Variants in ZFYVE9 observed in about 807,000 individuals in gnomAD.
ZFYVE9 encodes the protein zinc finger FYVE-type containing 9.
Under a neutral mutation model 126.7 loss-of-function variants are expected in ZFYVE9, and 43 were observed. That is an observed-to-expected ratio of 0.34 (90% CI 0.27 to 0.44). The LOEUF (loss-of-function observed/expected upper bound fraction) is 0.44, where lower values mean the gene tolerates loss of function less well. ZFYVE9 is among the 20% of genes least tolerant of loss of function. The probability of loss-of-function intolerance (pLI) is 1.00; values close to 1 mark genes in which losing one functional copy is unlikely to be tolerated. For missense variants in ZFYVE9, 1,476 were observed against 1,697.0 expected (o/e 0.87, Z 2.29); for synonymous variants, 521 against 597.4 (o/e 0.87, Z 1.87).
At position 52,266,766 on chromosome 1, in the gene ZFYVE9, C is replaced by A; in HGVS notation, c.2390C>A (p.Ala797Asp). The change falls in exon 6 of 19, where the codon GCT becomes GAT. Residue 797 changes from alanine to aspartate, a missense_variant. By Grantham distance (126) the Ala-to-Asp change is moderately radical. Coordinates refer to ENST00000287727, the MANE Select transcript of ZFYVE9 (RefSeq NM_004799.4). Reference protein sequence around the residue: ...PPLQQAQASGALSSPPPTVMV... With the variant: ...PPLQQAQASGDLSSPPPTVMV... The stretch of plus-strand genomic sequence containing the variant: ...TTGCAGCAAGCTCAGGCCTCAGGAG[C>A]TCTGAGCTCTCCACCTCCCACTGTG... 7 of 1,612,212 alleles carry A rather than the reference C, an allele frequency of 4.3e-6. No individual in the cohort carries two copies. Among genetic ancestry groups the A allele is most frequent in the Non-Finnish European group, 5.9e-6 (7 of 1,179,142 alleles).
At chr1:52,249,678 A>C (rs749647119) in intron 4 of ZFYVE9, among the ~76,000 whole-genome samples, 11 of 152,158 alleles carry the variant, frequency 7.2e-5, no homozygotes, top group African/African-American at 2.7e-4. Flanking sequence ...TTGGTGTCAT[A>C]TCAAAGAAAT....
At chr1:52,244,110 TTGAG>T (rs1645361082) in intron 4 of ZFYVE9, among the ~76,000 whole-genome samples, 1 of 151,950 alleles carries the variant, frequency 6.6e-6, no homozygotes, top group Admixed American at 6.6e-5. Flanking sequence ...AAAAAGCTGA[TTGAG>T]TGGAGCAATG....
intron 13 of ZFYVE9, among the ~76,000 whole-genome samples, chr1:52,325,527 A>G (rs566566253): frequency 1.7e-4 from 26 of 152,254 alleles, no homozygotes; most frequent in Admixed American, 5.9e-4. Flanking sequence ...CAAGAAATAA[A>G]AACAAAAACA....
intron 1 of ZFYVE9, chr1:52,190,043 T>A (rs1158612956): frequency 1.3e-5 from 2 of 157,850 alleles, no homozygotes; most frequent in Admixed American, 6.4e-5. Context: ...AGTGAGTATA[T>A]ATAGACCTCA....
In ZFYVE9 at chr1:52,237,661, A is replaced by G. The variant is rs374257191; in HGVS notation, c.244A>G (p.Thr82Ala). 10 of 1,614,106 alleles carry G rather than the reference A, an allele frequency of 6.2e-6. No individual in the cohort carries two copies. The highest frequency in any genetic ancestry group is 7.6e-6 in the Non-Finnish European group (9 of 1,179,970). ...CCTGGCTCATTCAGCTCCCCTGACC[A>G]CAGAGGAAGAGGATCACTGTGCTAA... ...FSLAHSAPLT[T>A]EEEDHCANGQ... Residue 82 changes from threonine to alanine, a missense_variant, in exon 4 of 19, where the codon ACA (threonine) becomes GCA (alanine). Thr to Ala is a moderately conservative substitution (Grantham distance 58, BLOSUM62 0). This residue lies in a region of ZFYVE9 where 807 missense variants were observed against 794.6 expected (regional missense o/e 1.02). Transcript: ENST00000287727.
chr1:52,312,164 C>G (rs1375861465), intron 13 of ZFYVE9, among the ~76,000 whole-genome samples: 1 of 152,198 alleles, frequency 6.6e-6, no homozygotes, highest in African/African-American at 2.4e-5. Context: ...ATCTAACTTC[C>G]CAATATAGCT....
chr1:52,243,540 G>A lies in ZFYVE9; in HGVS notation c.2178+3945G>A, dbSNP rs1014126077. On this transcript the variant is annotated intron_variant, in intron 4 of 18. Transcript: ENST00000287727. Reference sequence around the variant, plus strand: ...AGGAACTCCTGCAGGAAGTAGAACAGCATGGACAAAGTCATTGAGGTTAAG... The same window carrying A: ...AGGAACTCCTGCAGGAAGTAGAACAACATGGACAAAGTCATTGAGGTTAAG... 7.9e-5 allele frequency among the ~76,000 whole-genome samples: 12 copies of A among 152,284 alleles called. No individual in the cohort carries two copies. In the South Asian group the frequency reaches 1.0e-3, roughly 13 times the overall value.
rs141657670 is a variant in ZFYVE9 at position 52,225,844 on chromosome 1, C to T, written c.-36-7327C>T. ...AAGCAACTGTGTTGTCTGAGGTATA[C>T]ACCCAAGGTTCATCGTCTTGTGCCA... is the stretch of plus-strand genomic sequence containing the variant. On this transcript the variant is annotated intron_variant, in intron 2 of 18. Coordinates refer to ENST00000287727, the MANE Select transcript of ZFYVE9 (RefSeq NM_004799.4). Among the ~76,000 whole-genome samples, 491 of 152,262 alleles carry T rather than the reference C, an allele frequency of 3.2e-3. 4 individuals carry two copies. The highest frequency in any genetic ancestry group is 8.1e-3 in the Admixed American group (124 of 15,298).
chr1:52,305,904 G>A (rs1042062165), intron 13 of ZFYVE9, among the ~76,000 whole-genome samples: 4 of 152,152 alleles, frequency 2.6e-5, no homozygotes, highest in African/African-American at 9.7e-5. Flanking sequence ...TGCCGCCTTG[G>A]CCCCCTCTGG....
At chr1:52,202,837 C>T (rs1644936610) in intron 1 of ZFYVE9, among the ~76,000 whole-genome samples, 1 of 151,460 alleles carries the variant, frequency 6.6e-6, no homozygotes, top group Non-Finnish European at 1.5e-5. Context: ...AGGCATGCAC[C>T]ACCATGCCTG....
intron 13 of ZFYVE9, 113 bp from the exon 14 acceptor site, chr1:52,332,655 T>C: frequency 2.3e-6 from 3 of 1,280,998 alleles, no homozygotes; most frequent in African/African-American, 3.0e-5. Flanking sequence ...GCCCTTTTTG[T>C]CACTTTAATA....
intron 1 of ZFYVE9, among the ~76,000 whole-genome samples, chr1:52,202,368 C>T (rs985722773): frequency 2.6e-5 from 4 of 152,150 alleles, no homozygotes; most frequent in Middle Eastern, 3.4e-3. Context: ...CAACCTCCAC[C>T]TCCCAGGCTC....
chr1:52,332,746 A>G (rs1487476710), intron 13 of ZFYVE9, 22 bp from the exon 14 acceptor site: 1 of 1,609,292 alleles, frequency 6.2e-7, no homozygotes, highest in Non-Finnish European at 8.5e-7. Context: ...TTGTCAGAAT[A>G]AGGTTATCTC....
At chr1:52,242,359 C>T (rs1645343269) in intron 4 of ZFYVE9, among the ~76,000 whole-genome samples, 1 of 152,064 alleles carries the variant, frequency 6.6e-6, no homozygotes, top group African/African-American at 2.4e-5. Flanking sequence ...ATTATGATTT[C>T]ATTTATGTCT....
chr1:52,208,502 CTTTT>C (rs113585987), intron 1 of ZFYVE9, among the ~76,000 whole-genome samples: 2 of 139,368 alleles, frequency 1.4e-5, no homozygotes, highest in Non-Finnish European at 1.6e-5. Flanking sequence ...AATTGTTCTT[CTTTT>C]TTTTTTTTTT....
At chr1:52,311,729 A>G (rs1285945517) in intron 13 of ZFYVE9, among the ~76,000 whole-genome samples, 2 of 152,010 alleles carry the variant, frequency 1.3e-5, no homozygotes, top group African/African-American at 4.8e-5. Flanking sequence ...ATTGTATGCT[A>G]TTGTTGTTGT....
intron 2 of ZFYVE9, among the ~76,000 whole-genome samples, chr1:52,227,529 T>C (rs1645181459): frequency 6.6e-6 from 1 of 152,226 alleles, no homozygotes; most frequent in Non-Finnish European, 1.5e-5. Flanking sequence ...CATAATTCTA[T>C]CACCACAGAG....
Position 52,316,988 on chromosome 1 carries a change from T to A in ZFYVE9, c.3438+13063T>A, listed in dbSNP as rs530918567. 2.0e-5 allele frequency among the ~76,000 whole-genome samples: 3 copies of A among 152,342 alleles called. No homozygotes were observed. In the South Asian group the frequency reaches 6.2e-4, roughly 32 times the overall value. ...GTAAGATGATTCAAATCATACAGAA[T>A]GTGGTCTGTGACCACACAGCTTTAA... On this transcript the variant is annotated intron_variant, in intron 13 of 18. Transcript: ENST00000287727.
chr1:52,326,693 C>CAAA (rs34479038), intron 13 of ZFYVE9, among the ~76,000 whole-genome samples: 56 of 102,852 alleles, frequency 5.4e-4, no homozygotes, highest in African/African-American at 1.0e-3. Flanking sequence ...TACTCAATAC[C>CAAA]AAAAAAAAAA....
Sources: gnomAD v4.1 joint callset for allele counts (sites outside exome capture counted in the v4.1 genomes callset) on GRCh38, gnomAD v4.1.1 for gene constraint, gnomAD v4.1.1 regional missense constraint, MANE v1.5 for transcripts, NCBI Gene and HGNC (gene_info 2026-07-23, HGNC 2026-07-21) for gene names.